Variants in PRKG1 observed in about 807,000 individuals in gnomAD.
PRKG1 encodes cGMP-dependent protein kinase 1.
PRKG1 carries 35 observed loss-of-function variants against 88.1 expected under a neutral mutation model. The ratio of observed to expected loss-of-function variants is 0.40; its 90% CI spans 0.30 to 0.53. The LOEUF (loss-of-function observed/expected upper bound fraction) is 0.53. Among genes scored for constraint, PRKG1 ranks in the 20% least tolerant of loss-of-function variants. PRKG1 has a pLI of 0.59. For synonymous variants in PRKG1, 303 were observed against 292.5 expected (o/e 1.04, Z -0.37); for missense variants, 540 against 839.8 (o/e 0.64, Z 4.41).
At chr10:51,969,381 A>G (rs1377502128) in intron 5 of PRKG1, among the ~76,000 whole-genome samples, 3 of 152,180 alleles carry the variant, frequency 2.0e-5, no homozygotes, top group Non-Finnish European at 4.4e-5. Flanking sequence ...CCATCAGAGT[A>G]CAGATAAAAG....
chr10:51,790,141 T>C (rs1169282379), intron 3 of PRKG1, among the ~76,000 whole-genome samples: 5 of 152,260 alleles, frequency 3.3e-5, no homozygotes, highest in South Asian at 2.1e-4. Context: ...TCTTTAATTT[T>C]CCCTCTTAAC....
chr10:51,040,736 T>A (rs1361884000), intron 1 of PRKG1, among the ~76,000 whole-genome samples: 1 of 152,182 alleles, frequency 6.6e-6, no homozygotes, highest in Non-Finnish European at 1.5e-5. Context: ...GGGATTACTT[T>A]CTTGTATTCT....
intron 3 of PRKG1, among the ~76,000 whole-genome samples, chr10:51,761,631 T>C (rs1191572184): frequency 6.6e-6 from 1 of 152,222 alleles, no homozygotes; most frequent in Admixed American, 6.5e-5. Context: ...GTGAAAGCCA[T>C]TGAATGTAGA....
intron 2 of PRKG1, among the ~76,000 whole-genome samples, chr10:51,242,154 C>A (rs1316783910): frequency 6.6e-6 from 1 of 152,006 alleles, no homozygotes; most frequent in Non-Finnish European, 1.5e-5. Flanking sequence ...CTCTAATGAG[C>A]ACATACAGGA....
intron 4 of PRKG1, among the ~76,000 whole-genome samples, chr10:51,853,804 G>T (rs1021740242): frequency 1.3e-5 from 2 of 152,134 alleles, no homozygotes; most frequent in African/African-American, 4.8e-5. Flanking sequence ...GAGAGAAGCA[G>T]CCTCTACTGT....
chr10:51,302,011 C>T (rs1840901408), intron 2 of PRKG1, among the ~76,000 whole-genome samples: 1 of 152,162 alleles, frequency 6.6e-6, no homozygotes, highest in East Asian at 1.9e-4. Flanking sequence ...GGTGCTCTGA[C>T]CTCTCTCAAG....
Position 52,293,411 on chromosome 10 carries a change from C to T in PRKG1, c.1963-391C>T, listed in dbSNP as rs192562910. On this transcript the variant is annotated intron_variant, in intron 17 of 17. Transcript: ENST00000373980. The stretch of plus-strand genomic sequence containing the variant: ...TTCTTCACAGAATTGGAAAAAACTA[C>T]TTTAAAGTTCATATGGAACCAAAAA... Among the ~76,000 whole-genome samples the T allele has an allele frequency of 7.9e-3, 1,207 of 151,968 alleles. 18 individuals are homozygous for T. Among genetic ancestry groups the T allele is most frequent in the African/African-American group, 0.028 (1,152 of 41,412 alleles).
In PRKG1 at chr10:52,151,035, G is replaced by A. The variant is rs553906052; in HGVS notation, c.1002-10854G>A. ...GATAGGATTTTTTTGCCAATTATACGAATTTGTAAATTTTAAATAATTTGT... is the reference window on the plus strand; with the variant it reads ...GATAGGATTTTTTTGCCAATTATACAAATTTGTAAATTTTAAATAATTTGT... On this transcript the variant is annotated intron_variant, in intron 8 of 17. Coordinates refer to ENST00000373980, the MANE Select transcript of PRKG1 (RefSeq NM_006258.4). Among the ~76,000 whole-genome samples, 138 of 151,936 alleles carry A rather than the reference G, an allele frequency of 9.1e-4. 1 individual carries two copies. Among genetic ancestry groups the A allele is most frequent in the African/African-American group, 3.2e-3 (133 of 41,428 alleles).
chr10:51,836,894 A>G (rs955643796), intron 4 of PRKG1, among the ~76,000 whole-genome samples: 3 of 152,200 alleles, frequency 2.0e-5, no homozygotes, highest in Non-Finnish European at 4.4e-5. Context: ...TTTTAAAAAA[A>G]TTGCTTTAGC....
At chr10:51,417,197 G>A (rs1042192433) in intron 2 of PRKG1, among the ~76,000 whole-genome samples, 2 of 152,114 alleles carry the variant, frequency 1.3e-5, no homozygotes, top group African/African-American at 2.4e-5. Context: ...TAAAAAGTAC[G>A]TAATTATTCA....
At chr10:51,093,448 T>C (rs569403369) in intron 1 of PRKG1, among the ~76,000 whole-genome samples, 10 of 152,194 alleles carry the variant, frequency 6.6e-5, no homozygotes, top group Admixed American at 4.6e-4. Flanking sequence ...ACTTTGCTAG[T>C]ACTTGGCTTG....
intron 1 of PRKG1, among the ~76,000 whole-genome samples, chr10:51,088,077 T>C (rs1301465239): frequency 6.6e-6 from 1 of 152,228 alleles, no homozygotes; most frequent in South Asian, 2.1e-4. Flanking sequence ...TATATTCAAA[T>C]TTTTATTAAA....
chr10:51,899,561 G>A (rs928117530), intron 4 of PRKG1, among the ~76,000 whole-genome samples: 1 of 151,372 alleles, frequency 6.6e-6, no homozygotes, highest in African/African-American at 2.4e-5. Context: ...AGGAGACTGA[G>A]GCAGGAGAAT....
chr10:51,713,314 T>C (rs1841806859), intron 3 of PRKG1, among the ~76,000 whole-genome samples: 1 of 152,220 alleles, frequency 6.6e-6, no homozygotes, highest in Admixed American at 6.5e-5. Context: ...TGAAAATTTT[T>C]TGCAAAGGGT....
At chr10:51,339,707 C>T (rs1841961105) in intron 2 of PRKG1, among the ~76,000 whole-genome samples, 1 of 152,002 alleles carries the variant, frequency 6.6e-6, no homozygotes, top group East Asian at 1.9e-4. Flanking sequence ...ATATAATTAA[C>T]ATCTTTGCAT....
intron 1 of PRKG1, among the ~76,000 whole-genome samples, chr10:51,007,608 T>A (rs553467572): frequency 3.5e-4 from 54 of 152,214 alleles, no homozygotes; most frequent in Non-Finnish European, 7.5e-4. Context: ...GTTTCTGATA[T>A]CTTAGTCATG....
At position 52,161,970 on chromosome 10, in the gene PRKG1, G is replaced by T. The variant is rs1446302777; in HGVS notation, c.1076+7G>T. 3 of 1,606,194 alleles carry T rather than the reference G, an allele frequency of 1.9e-6. No homozygotes were observed. The highest frequency in any genetic ancestry group is 2.2e-5 in the South Asian group (2 of 90,468). ...ATGCAGAAGCTAAAGCAAAGTAAGT[G>T]ACTTTTTTCCTTAATTTTGATTGCA... On this transcript the variant is annotated splice_region_variant and intron_variant, in intron 9 of 17. Coordinates refer to ENST00000373980, the MANE Select transcript of PRKG1 (RefSeq NM_006258.4).
At chr10:52,130,895 C>A (rs1179573847) in intron 7 of PRKG1, among the ~76,000 whole-genome samples, 1 of 152,150 alleles carries the variant, frequency 6.6e-6, no homozygotes, top group Non-Finnish European at 1.5e-5. Context: ...CAGAGACAAC[C>A]ATGAAGGTGT....
intron 9 of PRKG1, among the ~76,000 whole-genome samples, chr10:52,190,507 C>T (rs1053385254): frequency 6.6e-6 from 1 of 152,046 alleles, no homozygotes; most frequent in African/African-American, 2.4e-5. Flanking sequence ...ACGTGTCAAG[C>T]ATGAATTACC....
Sources: allele counts gnomAD v4.1 joint callset (sites outside exome capture counted in the v4.1 genomes callset), GRCh38; gene constraint gnomAD v4.1.1; transcripts MANE v1.5; gene names NCBI Gene and HGNC (gene_info 2026-07-23, HGNC 2026-07-21).